Variants in GPHN observed in about 807,000 individuals in gnomAD.
GPHN encodes gephyrin.
In GPHN, 17 loss-of-function variants were observed where a neutral mutation model predicts 95.5. The ratio of observed to expected loss-of-function variants is 0.18; its 90% confidence interval spans 0.12 to 0.27. GPHN has a LOEUF of 0.27. GPHN is among the 10% of genes least tolerant of loss of function. The pLI is 1.00. For missense variants in GPHN, 660 were observed against 978.1 expected (o/e 0.67, Z 4.34); for synonymous variants, 320 against 322.5 (o/e 0.99, Z 0.08).
At chr14:67,011,409 CA>C (rs1224027486) in intron 9 of GPHN, among the ~76,000 whole-genome samples, 2,123 of 122,940 alleles carry the variant, frequency 0.017, 18 homozygotes, top group Middle Eastern at 0.024. Context: ...CCCACCTCTA[CA>C]AAAAAAAAAA....
the GPHN span, chr14:67,693,116 C>T: frequency 9.3e-7 from 1 of 1,078,046 alleles, no homozygotes; most frequent in African/African-American, 1.6e-5. Flanking sequence ...TAGGTTCCTG[C>T]AACTCCCTGT....
chr14:67,520,942 G>T, the GPHN span, among the ~76,000 whole-genome samples: 1 of 152,208 alleles, frequency 6.6e-6, no homozygotes, highest in Non-Finnish European at 1.5e-5. Flanking sequence ...AGCAATGAAT[G>T]GGAGTTCCTG....
At chr14:67,306,177 C>G in the GPHN span, among the ~76,000 whole-genome samples, 1 of 152,154 alleles carries the variant, frequency 6.6e-6, no homozygotes, top group Non-Finnish European at 1.5e-5. Flanking sequence ...ACTATGTTGG[C>G]CATGCTGGTC....
At chr14:66,616,533 C>T (rs546026367) in intron 1 of GPHN, among the ~76,000 whole-genome samples, 9 of 151,998 alleles carry the variant, frequency 5.9e-5, no homozygotes, top group South Asian at 4.2e-4. Context: ...GGTTTGCTCC[C>T]GTGCCTGGAG....
intron 9 of GPHN, among the ~76,000 whole-genome samples, chr14:66,982,976 C>T (rs2070775520): frequency 6.6e-6 from 1 of 152,162 alleles, no homozygotes. Context: ...TTTGGCCGGG[C>T]ACGGTGGCTC....
chr14:67,428,992 T>G, the GPHN span, among the ~76,000 whole-genome samples: 1 of 152,146 alleles, frequency 6.6e-6, no homozygotes, highest in Non-Finnish European at 1.5e-5. Flanking sequence ...TAGAGTCAAA[T>G]GAGAGCAGGA....
chr14:66,826,344 G>T (rs890143349), intron 4 of GPHN, among the ~76,000 whole-genome samples: 1 of 152,004 alleles, frequency 6.6e-6, no homozygotes, highest in South Asian at 2.1e-4. Context: ...CTAAATGTGG[G>T]TTTTTTTACT....
At chr14:66,550,295 T>C (rs2059764330) in intron 1 of GPHN, among the ~76,000 whole-genome samples, 1 of 152,138 alleles carries the variant, frequency 6.6e-6, no homozygotes, top group Non-Finnish European at 1.5e-5. Context: ...TTGGAAGAAG[T>C]TGAATCCACC....
At chr14:67,530,466 G>A in the GPHN span, among the ~76,000 whole-genome samples, 2 of 152,162 alleles carry the variant, frequency 1.3e-5, no homozygotes, top group Admixed American at 1.3e-4. Context: ...TATTGACTCT[G>A]TAGGAATTTA....
At chr14:66,526,114 T>A (rs981724294) in intron 1 of GPHN, among the ~76,000 whole-genome samples, 4 of 151,932 alleles carry the variant, frequency 2.6e-5, no homozygotes, top group Non-Finnish European at 4.4e-5. Flanking sequence ...TCCCTATCCA[T>A]TAGCATGGAA....
chr14:67,709,335 C>T, the GPHN span, among the ~76,000 whole-genome samples: 76 of 152,302 alleles, frequency 5.0e-4, no homozygotes, highest in African/African-American at 1.7e-3. Context: ...CTAATAAAAA[C>T]AGCATGAAGC....
chr14:67,394,184 A>T, the GPHN span, among the ~76,000 whole-genome samples: 2 of 152,186 alleles, frequency 1.3e-5, no homozygotes, highest in Admixed American at 6.5e-5. Context: ...TTTCTATGCC[A>T]GACACACACT....
At chr14:67,120,281 T>G (rs961815915) in intron 16 of GPHN, among the ~76,000 whole-genome samples, 13 of 152,190 alleles carry the variant, frequency 8.5e-5, no homozygotes, top group African/African-American at 3.1e-4. Context: ...CAGACATCAT[T>G]CCCAAGATGA....
At chr14:66,972,720 A>G (rs1451518683) in intron 9 of GPHN, among the ~76,000 whole-genome samples, 2 of 152,006 alleles carry the variant, frequency 1.3e-5, no homozygotes, top group Non-Finnish European at 2.9e-5. Context: ...ATTGTCATAT[A>G]ATATTGTAAT....
chr14:66,783,817 G>A (rs367950503), intron 3 of GPHN, among the ~76,000 whole-genome samples: 4 of 152,224 alleles, frequency 2.6e-5, no homozygotes, highest in Non-Finnish European at 4.4e-5. Flanking sequence ...GTGAATCAGT[G>A]CTTCACTTTT....
intron 2 of GPHN, among the ~76,000 whole-genome samples, chr14:66,774,217 T>C (rs921076977): frequency 1.3e-4 from 20 of 151,864 alleles, no homozygotes; most frequent in African/African-American, 4.8e-4. Context: ...TTAGCCAGGA[T>C]GGTCTCGATC....
At chr14:66,560,093 G>A (rs1274629052) in intron 1 of GPHN, among the ~76,000 whole-genome samples, 2 of 152,050 alleles carry the variant, frequency 1.3e-5, no homozygotes, top group Non-Finnish European at 2.9e-5. Context: ...TGTTCCATTG[G>A]TCTATATCTC....
the GPHN span, among the ~76,000 whole-genome samples, chr14:67,368,587 C>T: frequency 6.6e-6 from 1 of 152,166 alleles, no homozygotes; most frequent in Non-Finnish European, 1.5e-5. Context: ...CTGTTTAAAG[C>T]AGGCTTAGTA....
At chr14:67,127,341 G>GATTTTT (rs2079390275) in intron 17 of GPHN, among the ~76,000 whole-genome samples, 1 of 150,786 alleles carries the variant, frequency 6.6e-6, no homozygotes, top group Admixed American at 6.6e-5. Flanking sequence ...GGTTTGTTTG[G>GATTTTT]GTTTTTGTTT....
Sources: allele counts gnomAD v4.1 joint callset (sites outside exome capture counted in the v4.1 genomes callset), GRCh38; gene constraint gnomAD v4.1.1; transcripts MANE v1.5; gene names NCBI Gene and HGNC (gene_info 2026-07-23, HGNC 2026-07-21).